PCDH15: variants seen among roughly 807,000 people sequenced by gnomAD.
The protein encoded by PCDH15 is protocadherin related 15.
A neutral mutation model predicts 178.5 loss-of-function variants in PCDH15; 129 were observed. The observed-to-expected ratio is 0.72, with a 90% CI of 0.63 to 0.84. PCDH15 has a LOEUF of 0.84. Ranked by LOEUF, PCDH15 falls within the 40% of genes least tolerant of loss-of-function variation. The pLI, the probability that PCDH15 is intolerant of heterozygous loss-of-function variation, is 0.00. For synonymous variants in PCDH15, 800 were observed against 732.0 expected, an observed-to-expected ratio of 1.09 and a Z score of -1.50; for missense variants, 2,230 against 2,099.9, an observed-to-expected ratio of 1.06 and a Z score of -1.21.
At chr10:54,398,225 CT>C (rs960842121) in intron 3 of PCDH15, among the ~76,000 whole-genome samples, 9 of 149,740 alleles carry the variant, frequency 6.0e-5, no homozygotes, top group African/African-American at 2.3e-4. Flanking sequence ...CAAAATCTTG[CT>C]TGTTTAAAAA....
At chr10:54,975,420 GAT>G (rs1382541455) in intron 2 of PCDH15, among the ~76,000 whole-genome samples, 1 of 152,112 alleles carries the variant, frequency 6.6e-6, no homozygotes, top group African/African-American at 2.4e-5. Context: ...ATATTTTATT[GAT>G]ATTTCTTTCC....
At chr10:53,948,030 T>A (rs949640561) in intron 23 of PCDH15, among the ~76,000 whole-genome samples, 24 of 152,328 alleles carry the variant, frequency 1.6e-4, no homozygotes, top group African/African-American at 5.1e-4. Flanking sequence ...TTTTTAAACT[T>A]ACTAAAGTAC....
chr10:55,513,065 T>A (rs951730255), intron 2 of PCDH15: 1 of 152,112 alleles, frequency 6.6e-6, no homozygotes, highest in Non-Finnish European at 1.5e-5. Flanking sequence ...GAACAACCAC[T>A]GGCAAAAAGA....
chr10:54,621,872 A>C (rs1480734296), intron 2 of PCDH15, among the ~76,000 whole-genome samples: 1 of 152,066 alleles, frequency 6.6e-6, no homozygotes. Flanking sequence ...CGATGTTGTA[A>C]AGGGGAAGAA....
intron 8 of PCDH15, among the ~76,000 whole-genome samples, chr10:54,269,845 C>A (rs2132465838): frequency 6.6e-6 from 1 of 152,062 alleles, no homozygotes; most frequent in Middle Eastern, 3.4e-3. Flanking sequence ...ACCACTTCAT[C>A]TTAACAACAA....
intron 2 of PCDH15, among the ~76,000 whole-genome samples, chr10:55,547,910 T>TGTGAGAGA (rs541144266): frequency 0.016 from 873 of 54,446 alleles, 16 homozygotes; most frequent in East Asian, 0.039. Context: ...TGTGTGTGTG[T>TGTGAGAGA]GAGAGAGAGA....
intron 3 of PCDH15, among the ~76,000 whole-genome samples, chr10:54,471,294 A>G (rs1303857356): frequency 6.6e-6 from 1 of 152,164 alleles, no homozygotes; most frequent in Non-Finnish European, 1.5e-5. Flanking sequence ...TTGCTGTCTC[A>G]GTGGTGGTAG....
intron 1 of PCDH15, among the ~76,000 whole-genome samples, chr10:54,755,944 G>A (rs1174011840): frequency 6.6e-6 from 1 of 151,956 alleles, no homozygotes; most frequent in Admixed American, 6.6e-5. Context: ...CATGAGACAA[G>A]GCGCGGTAGC....
chr10:54,344,979 T>TTATA (rs1554915309), intron 6 of PCDH15, among the ~76,000 whole-genome samples: 1 of 142,592 alleles, frequency 7.0e-6, no homozygotes, highest in African/African-American at 2.6e-5. Flanking sequence ...TATATATATA[T>TTATA]TATATATATA....
At chr10:54,464,928 G>T (rs1272697899) in intron 3 of PCDH15, among the ~76,000 whole-genome samples, 2 of 152,070 alleles carry the variant, frequency 1.3e-5, no homozygotes, top group East Asian at 3.8e-4. Flanking sequence ...GGAGATTGAG[G>T]TTATGATACA....
At chr10:54,462,267 T>G (rs2077208926) in intron 3 of PCDH15, among the ~76,000 whole-genome samples, 1 of 150,944 alleles carries the variant, frequency 6.6e-6, no homozygotes, top group Non-Finnish European at 1.5e-5. Context: ...TTAGCATTTA[T>G]GTCCTAATTT....
chr10:54,274,646 G>A (rs2132573526), intron 8 of PCDH15, among the ~76,000 whole-genome samples: 1 of 151,634 alleles, frequency 6.6e-6, no homozygotes, highest in South Asian at 2.1e-4. Context: ...GTGTGTGTGT[G>A]TGTGTGTGTG....
intron 2 of PCDH15, among the ~76,000 whole-genome samples, chr10:55,028,484 C>T (rs932596650): frequency 3.3e-5 from 5 of 151,998 alleles, no homozygotes; most frequent in African/African-American, 9.6e-5. Flanking sequence ...ATAACAAAGA[C>T]AAATTTTGAG....
At chr10:54,466,538 G>A (rs932933973) in intron 3 of PCDH15, among the ~76,000 whole-genome samples, 4 of 151,788 alleles carry the variant, frequency 2.6e-5, no homozygotes, top group East Asian at 1.9e-4. Flanking sequence ...TTGTCTGTAT[G>A]TCTGTTTTTG....
chr10:55,191,229 ATC>A (rs1200729568), intron 1 of PCDH15, among the ~76,000 whole-genome samples: 1 of 119,236 alleles, frequency 8.4e-6, no homozygotes, highest in Non-Finnish European at 2.1e-5. Flanking sequence ...TTTGTGACAT[ATC>A]CTGTTAGTTC....
intron 21 of PCDH15, among the ~76,000 whole-genome samples, chr10:53,992,495 ATGAAG>A (rs1298980701): frequency 6.6e-6 from 1 of 152,212 alleles, no homozygotes; most frequent in Non-Finnish European, 1.5e-5. Context: ...CTTGTTGGAG[ATGAAG>A]TGAAGATGAA....
upstream of PCDH15, among the ~76,000 whole-genome samples, chr10:55,320,718 C>T (rs1001966647): frequency 3.9e-5 from 6 of 151,992 alleles, no homozygotes; most frequent in African/African-American, 1.5e-4. Context: ...TGACTGAACC[C>T]CTGTTATAAC....
chr10:54,825,123 G>A (rs1953104662), intron 3 of PCDH15, among the ~76,000 whole-genome samples: 1 of 151,932 alleles, frequency 6.6e-6, no homozygotes, highest in African/African-American at 2.4e-5. Context: ...AACATGCGGT[G>A]TTTGGTTTTT....
At chr10:54,838,979 C>T (rs1232550823) in intron 3 of PCDH15, among the ~76,000 whole-genome samples, 1 of 152,144 alleles carries the variant, frequency 6.6e-6, no homozygotes, top group Non-Finnish European at 1.5e-5. Flanking sequence ...GCTCTAATCC[C>T]ACTCAACTGG....
Sources: allele counts gnomAD v4.1 joint callset (sites outside exome capture counted in the v4.1 genomes callset), GRCh38; gene constraint gnomAD v4.1.1; transcripts MANE v1.5; gene names NCBI Gene and HGNC (gene_info 2026-07-23, HGNC 2026-07-21).